Variants in MCC observed in about 807,000 individuals in gnomAD.
MCC encodes colorectal mutant cancer protein.
MCC carries 90 observed loss-of-function variants against 116.2 expected under a neutral mutation model. The observed-to-expected ratio is 0.77, with a 90% CI of 0.65 to 0.92. The LOEUF (loss-of-function observed/expected upper bound fraction) is 0.92. Among genes scored for constraint, MCC ranks in the 40% least tolerant of loss-of-function variants. MCC has a pLI of 0.00. For missense variants in MCC, 1,516 were observed against 1,312.2 expected (o/e 1.16, Z -2.40); for synonymous variants, 578 against 510.5 (o/e 1.13, Z -1.78).
chr5:113,132,441 T>G (rs1372260017), intron 5 of MCC, among the ~76,000 whole-genome samples: 1 of 96,944 alleles, frequency 1.0e-5, no homozygotes. Flanking sequence ...TATATATATA[T>G]ATACACACAC....
chr5:113,126,268 G>A (rs1228487383), intron 5 of MCC, among the ~76,000 whole-genome samples: 2 of 152,146 alleles, frequency 1.3e-5, no homozygotes, highest in African/African-American at 2.4e-5. Flanking sequence ...GACCAGCAGT[G>A]GCAGAAAAAT....
At chr5:113,216,360 C>T (rs756056585) in intron 3 of MCC, among the ~76,000 whole-genome samples, 3 of 152,024 alleles carry the variant, frequency 2.0e-5, no homozygotes, top group Non-Finnish European at 4.4e-5. Context: ...CACTAGCTCC[C>T]CAGGATTCTG....
At chr5:113,075,895 G>A (rs750258260) in intron 11 of MCC, among the ~76,000 whole-genome samples, 2 of 152,044 alleles carry the variant, frequency 1.3e-5, no homozygotes, top group East Asian at 1.9e-4. Flanking sequence ...GTGAGTCCAC[G>A]ATACCACCAG....
At chr5:113,220,146 C>T (rs1763492969) in intron 3 of MCC, among the ~76,000 whole-genome samples, 1 of 70,466 alleles carries the variant, frequency 1.4e-5, no homozygotes, top group African/African-American at 2.7e-5. Context: ...CAAGCTCCAC[C>T]TCCCGGGTTC....
At chr5:113,110,464 G>A (rs1002276598) in intron 6 of MCC, among the ~76,000 whole-genome samples, 1 of 152,234 alleles carries the variant, frequency 6.6e-6, no homozygotes, top group Non-Finnish European at 1.5e-5. Context: ...AAGGATTTAG[G>A]TACACGGTAC....
At chr5:113,324,667 T>G (rs944936156) in intron 3 of MCC, among the ~76,000 whole-genome samples, 1 of 152,224 alleles carries the variant, frequency 6.6e-6, no homozygotes, top group Non-Finnish European at 1.5e-5. Context: ...CTCTATTTCT[T>G]TCTGAGAATC....
chr5:113,127,848 T>C (rs796518980), intron 5 of MCC, among the ~76,000 whole-genome samples: 2 of 152,370 alleles, frequency 1.3e-5, no homozygotes, highest in African/African-American at 4.8e-5. Flanking sequence ...TAAGCTTCAT[T>C]AGAACCCATT....
chr5:113,228,020 C>A (rs1763809929), intron 3 of MCC, among the ~76,000 whole-genome samples: 1 of 152,214 alleles, frequency 6.6e-6, no homozygotes, highest in Non-Finnish European at 1.5e-5. Context: ...AACGAAATCA[C>A]AAGGTATATG....
chr5:113,485,002 G>T (rs374842481), intron 1 of MCC, among the ~76,000 whole-genome samples: 18 of 152,172 alleles, frequency 1.2e-4, no homozygotes, highest in African/African-American at 3.9e-4. Flanking sequence ...CTTGATCATA[G>T]CTTTCTGTTC....
intron 3 of MCC, among the ~76,000 whole-genome samples, chr5:113,258,232 T>C (rs995485045): frequency 6.6e-5 from 10 of 152,350 alleles, no homozygotes; most frequent in African/African-American, 9.6e-5. Context: ...AACATTAATA[T>C]AACATGTGCT....
At chr5:113,313,501 T>G (rs540009302) in intron 3 of MCC, among the ~76,000 whole-genome samples, 3 of 151,848 alleles carry the variant, frequency 2.0e-5, no homozygotes, top group African/African-American at 7.3e-5. Context: ...ATAGCGGTGG[T>G]TGGGGAGGAA....
chr5:113,149,436 A>G (rs1308137176), intron 4 of MCC, among the ~76,000 whole-genome samples: 1 of 152,124 alleles, frequency 6.6e-6, no homozygotes, highest in Non-Finnish European at 1.5e-5. Context: ...AATAAATACT[A>G]TGAAAATAGT....
At chr5:113,276,541 C>T (rs567695504) in intron 3 of MCC, among the ~76,000 whole-genome samples, 12 of 152,222 alleles carry the variant, frequency 7.9e-5, no homozygotes, top group African/African-American at 2.2e-4. Flanking sequence ...GTGCTTATAA[C>T]GAACACAGAT....
At chr5:113,245,476 G>C (rs571463968) in intron 3 of MCC, among the ~76,000 whole-genome samples, 1 of 151,702 alleles carries the variant, frequency 6.6e-6, no homozygotes, top group Non-Finnish European at 1.5e-5. Flanking sequence ...CAGGGAAAAA[G>C]GTAAGCAAAG....
At chr5:113,190,727 G>C (rs1285913935) in intron 3 of MCC, among the ~76,000 whole-genome samples, 1 of 152,230 alleles carries the variant, frequency 6.6e-6, no homozygotes, top group Non-Finnish European at 1.5e-5. Context: ...CTGCAAAAAG[G>C]TGGTGCCAGG....
chr5:113,102,090 C>T (rs1213024028), intron 7 of MCC, 145 bp from the exon 8 acceptor site: 12 of 756,480 alleles, frequency 1.6e-5, no homozygotes, highest in Non-Finnish European at 2.6e-5. Context: ...TGACTACAGA[C>T]ACCCCAAAGT....
intron 17 of MCC, among the ~76,000 whole-genome samples, chr5:113,032,408 CAAAAAAAAA>C (rs376957827): frequency 1.4e-4 from 9 of 63,352 alleles, no homozygotes; most frequent in East Asian, 4.5e-4. Context: ...AACTCTGTAT[CAAAAAAAAA>C]AAAAAAAAAA....
chr5:113,130,908 G>A (rs4235793), intron 5 of MCC, among the ~76,000 whole-genome samples: 76,966 of 151,544 alleles, frequency 0.51, 21,194 homozygotes, highest in East Asian at 0.71. Context: ...GTAACACAAA[G>A]GGACTAAGAC....
At chr5:113,267,446 T>A (rs1396668194) in intron 3 of MCC, among the ~76,000 whole-genome samples, 2 of 152,204 alleles carry the variant, frequency 1.3e-5, no homozygotes, top group African/African-American at 4.8e-5. Flanking sequence ...CATTATCTCA[T>A]CTTCACGGTA....
Sources: gnomAD v4.1 joint callset for allele counts (sites outside exome capture counted in the v4.1 genomes callset) on GRCh38, gnomAD v4.1.1 for gene constraint, MANE v1.5 for transcripts, NCBI Gene and HGNC (gene_info 2026-07-23, HGNC 2026-07-21) for gene names.